CHRDL2: variants seen among roughly 807,000 people sequenced by gnomAD.
CHRDL2 encodes chordin-like protein 2.
Under a neutral mutation model 54.3 loss-of-function variants are expected in CHRDL2, and 41 were observed. That is an observed-to-expected ratio of 0.76 (90% CI 0.59 to 0.98). The LOEUF (loss-of-function observed/expected upper bound fraction) is 0.98. CHRDL2 is among the 50% of genes least tolerant of loss of function. The probability of loss-of-function intolerance (pLI) is 0.00; values close to 1 mark genes in which losing one functional copy is unlikely to be tolerated. For missense variants in CHRDL2, 518 were observed against 562.4 expected (o/e 0.92, Z 0.80); for synonymous variants, 220 against 224.3 (o/e 0.98, Z 0.17).
intron 1 of CHRDL2, among the ~76,000 whole-genome samples, 194 bp downstream of exon 1, chr11:74,730,613 T>G (rs551423729): frequency 6.6e-6 from 1 of 152,236 alleles, no homozygotes; most frequent in Admixed American, 6.5e-5. Context: ...GCAGCAGCCC[T>G]CTCTCAGTTC....
chr11:74,709,055 A>G (rs2034104407), intron 4 of CHRDL2, among the ~76,000 whole-genome samples: 1 of 152,232 alleles, frequency 6.6e-6, no homozygotes, highest in African/African-American at 2.4e-5. Context: ...GGGAAGCACT[A>G]TTGCCCTGAG....
At chr11:74,708,134 G>A (rs1299162381) in intron 5 of CHRDL2, among the ~76,000 whole-genome samples, 168 bp downstream of exon 5, 4 of 152,140 alleles carry the variant, frequency 2.6e-5, no homozygotes, top group African/African-American at 9.7e-5. Context: ...ATCAGCTTCT[G>A]CCAGGCTCTG....
Position 74,702,777 on chromosome 11 carries a change from A to G in CHRDL2, c.1120+17T>C. Reference sequence around the variant, plus strand: ...CTGGCCAGAGGTACACCCCACTGGGAGTGGGCCAGCACTCACCTTTTACCA... The same window carrying G: ...CTGGCCAGAGGTACACCCCACTGGGGGTGGGCCAGCACTCACCTTTTACCA... On this transcript the variant is annotated intron_variant, in intron 9 of 10. Coordinates refer to ENST00000376332, the MANE Select transcript of CHRDL2 (RefSeq NM_001278473.3). 1 of 1,613,818 alleles carries G rather than the reference A, an allele frequency of 6.2e-7. No homozygotes were observed. The highest frequency in any genetic ancestry group is 8.5e-7 in the Non-Finnish European group (1 of 1,179,832).
In CHRDL2 at chr11:74,708,352, C is replaced by T; in HGVS notation, c.476G>A (p.Gly159Asp). 1.3e-6 allele frequency: 2 copies of T among 1,585,518 alleles called. No homozygotes were observed. The highest frequency in any genetic ancestry group is 1.1e-5 in the South Asian group (1 of 87,232). Residue 159 changes from glycine (G) to aspartate (D), a missense_variant, in exon 5 of 11, where the codon GGC becomes GAC. Transcript: ENST00000376332. The part of the protein sequence containing the change: ...YCGLTTCPEP[G>D]CPAPLPLPDS... ...TGGCAGCGGGAGGGGTGCTGGGCAG[C>T]CTGGTTCGGGGCAGGTTGTGAGGCC... is the stretch of plus-strand genomic sequence containing the variant.
chr11:74,706,459 C>T (rs1406869416), intron 6 of CHRDL2, 28 bp downstream of exon 6: 2 of 1,612,570 alleles, frequency 1.2e-6, no homozygotes, highest in South Asian at 2.2e-5. Flanking sequence ...CCCTGTCCCG[C>T]ACCCCGTCAA....
Position 74,730,971 on chromosome 11 carries a change from C to G in CHRDL2, c.-83G>C, listed in dbSNP as rs2034644602. On this transcript the variant is annotated 5_prime_UTR_variant, in exon 1 of 11. Transcript: ENST00000376332. ...AAAGGACACGGAGGCACAGGGGCCA[C>G]AGATCAACCCACAGACCCCAGGAGG... The G allele has an allele frequency of 8.7e-7, 1 of 1,150,170 alleles. No homozygotes were observed. The highest frequency in any genetic ancestry group is 1.5e-5 in the South Asian group (1 of 68,736). 71.2% of individuals were successfully genotyped at this position (1,150,170 alleles called of 1,614,324 possible). A position where few individuals can be genotyped will look rare whatever the true frequency, so the allele number is the denominator to read the frequency against.
chr11:74,710,202 C>T (rs2034142457), intron 4 of CHRDL2, among the ~76,000 whole-genome samples: 1 of 140,050 alleles, frequency 7.1e-6, no homozygotes, highest in South Asian at 2.3e-4. Context: ...GGTGAAAGAG[C>T]AAGACTCCGT....
intron 4 of CHRDL2, among the ~76,000 whole-genome samples, chr11:74,708,645 G>A (rs907732912): frequency 1.1e-4 from 16 of 152,216 alleles, no homozygotes; most frequent in Admixed American, 4.6e-4. Flanking sequence ...CAGCCAGGCT[G>A]TCCCTAGCTG....
Position 74,708,295 on chromosome 11 carries a change from G to C in CHRDL2, c.526+7C>G. The C allele has an allele frequency of 6.4e-7, 1 of 1,561,078 alleles. No homozygotes were observed. The highest frequency in any genetic ancestry group is 8.6e-7 in the Non-Finnish European group (1 of 1,156,652). ...GTGAGTGCTGCCAGATGGAGGGACA[G>C]ACTCACCTTTGCAGGCCTGGCAGCA... On this transcript the variant is annotated splice_region_variant and intron_variant, in intron 5 of 10. Coordinates refer to ENST00000376332, the MANE Select transcript of CHRDL2 (RefSeq NM_001278473.3).
At chr11:74,698,787 T>C (rs6592591) in intron 9 of CHRDL2, 19,768 of 151,954 alleles carry the variant, frequency 0.13, 1,329 homozygotes, top group Middle Eastern at 0.17. Context: ...CCCCTGATGT[T>C]TGCATCTCAT....
chr11:74,724,969 C>T (rs546193312), intron 1 of CHRDL2, among the ~76,000 whole-genome samples: 9 of 151,496 alleles, frequency 5.9e-5, no homozygotes, highest in East Asian at 3.9e-4. Context: ...AGCCAATTGA[C>T]GGTCCTTAGT....
Position 74,718,842 on chromosome 11 carries a change from C to T in CHRDL2, c.83-10G>A, listed in dbSNP as rs746741046. 8 of 1,558,520 alleles carry T rather than the reference C, an allele frequency of 5.1e-6. No individual in the cohort carries two copies. In the Admixed American group the frequency reaches 5.2e-5, roughly 10 times the overall value. ...CAGAACATGTCTGGGCCTGGCAAACCGACCAGTGCCATGTTAGTCCCAGGA... is the reference window on the plus strand; with the variant it reads ...CAGAACATGTCTGGGCCTGGCAAACTGACCAGTGCCATGTTAGTCCCAGGA... On this transcript the variant is annotated splice_polypyrimidine_tract_variant and intron_variant, in intron 1 of 10. Transcript: ENST00000376332.
intron 5 of CHRDL2, among the ~76,000 whole-genome samples, chr11:74,707,111 C>T (rs564320918): frequency 3.9e-5 from 6 of 152,200 alleles, no homozygotes; most frequent in Non-Finnish European, 7.3e-5. Context: ...TTCCTAAACC[C>T]GAGTGGGCCT....
Position 74,702,619 on chromosome 11 carries a change from G to A in CHRDL2, c.1120+175C>T, listed in dbSNP as rs528716566. Among the ~76,000 whole-genome samples, 159 of 152,350 alleles carry A rather than the reference G, an allele frequency of 1.0e-3. 1 individual carries two copies. The highest frequency in any genetic ancestry group is 3.7e-3 in the African/African-American group (155 of 41,586). On this transcript the variant is annotated intron_variant, in intron 9 of 10. Coordinates refer to ENST00000376332, the MANE Select transcript of CHRDL2 (RefSeq NM_001278473.3). ...GCAGGAGGAGCTTATCAGAATTGTA[G>A]AGAACCAGTCAGGCTCACTATCTTC...
chr11:74,720,794 T>A (rs1249689874), intron 1 of CHRDL2, among the ~76,000 whole-genome samples: 1 of 152,188 alleles, frequency 6.6e-6, no homozygotes, highest in East Asian at 1.9e-4. Flanking sequence ...GTGCAGCCCC[T>A]GCCTGACACA....
Position 74,697,342 on chromosome 11 carries a change from C to G in CHRDL2, c.1121-45G>C, listed in dbSNP as rs761133649. On this transcript the variant is annotated intron_variant, in intron 9 of 10. Coordinates refer to ENST00000376332, the MANE Select transcript of CHRDL2 (RefSeq NM_001278473.3). ...TGTGAGCAGGCAAGGCAAAAACCTA[C>G]AGTCGGTGAAAAGTGAAACAGGGTG... 15 of 1,422,438 alleles carry G rather than the reference C, an allele frequency of 1.1e-5. No homozygotes were observed. In the African/African-American group the frequency reaches 2.1e-4, roughly 20 times the overall value. 88.1% of individuals were successfully genotyped at this position (1,422,438 alleles called of 1,614,324 possible). A position where few individuals can be genotyped will look rare whatever the true frequency, so the allele number is the denominator to read the frequency against.
chr11:74,722,610 T>C (rs920747773), intron 1 of CHRDL2, among the ~76,000 whole-genome samples: 2 of 152,098 alleles, frequency 1.3e-5, no homozygotes, highest in Non-Finnish European at 2.9e-5. Context: ...TTTCCTGTGG[T>C]GTTTCTTTGA....
intron 1 of CHRDL2, among the ~76,000 whole-genome samples, chr11:74,726,623 G>A (rs961270654): frequency 5.3e-5 from 8 of 152,168 alleles, no homozygotes; most frequent in African/African-American, 9.7e-5. Flanking sequence ...CCCAGAGTCC[G>A]GCGCCATGGT....
chr11:74,719,159 G>C (rs1383418744), intron 1 of CHRDL2: 1 of 217,176 alleles, frequency 4.6e-6, no homozygotes, highest in South Asian at 9.5e-5. Context: ...ATTATGATTA[G>C]ACAAATGAGG....
Sources: allele counts gnomAD v4.1 joint callset (sites outside exome capture counted in the v4.1 genomes callset), GRCh38; gene constraint gnomAD v4.1.1; transcripts MANE v1.5; gene names NCBI Gene and HGNC (gene_info 2026-07-23, HGNC 2026-07-21).